The following TMEM135 variants were observed in gnomAD, a reference collection of about 807,000 sequenced individuals.
The protein encoded by TMEM135 is transmembrane protein 135.
TMEM135 carries 30 observed loss-of-function variants against 60.3 expected under a neutral mutation model. The ratio of observed to expected loss-of-function variants is 0.50; its 90% CI spans 0.37 to 0.68. TMEM135 has a LOEUF of 0.68. Among genes scored for constraint, TMEM135 ranks in the 30% least tolerant of loss-of-function variants. The probability of loss-of-function intolerance (pLI) is 0.00; values close to 1 mark genes in which losing one functional copy is unlikely to be tolerated. For missense variants in TMEM135, 468 were observed against 548.8 expected, an observed-to-expected ratio of 0.85 and a Z score of 1.47; for synonymous variants, 190 against 186.7, an observed-to-expected ratio of 1.02 and a Z score of -0.14.
intron 2 of TMEM135, among the ~76,000 whole-genome samples, 165 bp from the exon 3 acceptor site, chr11:87,071,358 A>G (rs1210087808): frequency 6.6e-6 from 1 of 152,220 alleles, no homozygotes; most frequent in Admixed American, 6.5e-5. Flanking sequence ...GAACAAGTTC[A>G]TGGGGCTAGG....
intron 9 of TMEM135, among the ~76,000 whole-genome samples, chr11:87,308,257 T>C (rs1218500646): frequency 3.3e-5 from 5 of 152,168 alleles, no homozygotes; most frequent in African/African-American, 1.2e-4. Context: ...AATGGGTGGA[T>C]GAATAGTTCT....
At chr11:87,147,810 T>C (rs911032108) in intron 4 of TMEM135, among the ~76,000 whole-genome samples, 4 of 152,016 alleles carry the variant, frequency 2.6e-5, no homozygotes, top group Non-Finnish European at 4.4e-5. Flanking sequence ...CAAGCTGGAG[T>C]GCAGTGGCAC....
At chr11:87,299,967 G>A (rs1258806057) in intron 7 of TMEM135, among the ~76,000 whole-genome samples, 1 of 152,120 alleles carries the variant, frequency 6.6e-6, no homozygotes, top group East Asian at 1.9e-4. Flanking sequence ...GAGAGTGGAA[G>A]GAGCATTTAA....
At chr11:87,272,335 C>T (rs928768232) in intron 6 of TMEM135, among the ~76,000 whole-genome samples, 1 of 152,150 alleles carries the variant, frequency 6.6e-6, no homozygotes, top group Non-Finnish European at 1.5e-5. Context: ...GGATTACAGA[C>T]TGGAGCCACC....
intron 1 of TMEM135, among the ~76,000 whole-genome samples, chr11:87,049,515 C>T (rs1430796288): frequency 1.6e-5 from 2 of 125,330 alleles, no homozygotes; most frequent in South Asian, 5.2e-4. Flanking sequence ...GGGTTGCAAT[C>T]CTAATCTCTG....
At chr11:87,312,557 C>T (rs528417132) in intron 10 of TMEM135, among the ~76,000 whole-genome samples, 10 of 151,876 alleles carry the variant, frequency 6.6e-5, no homozygotes, top group Non-Finnish European at 1.5e-4. Context: ...TGGTCTCTGT[C>T]ATAACTACCC....
Position 87,129,388 on chromosome 11 carries a change from G to A in TMEM135, c.397-27953G>A, listed in dbSNP as rs531322768. Reference sequence around the variant, plus strand: ...CTCCCTAATAGCTGGGACTACAGTCGCACACCACCATGACTGGCTAATTTT... The same window carrying A: ...CTCCCTAATAGCTGGGACTACAGTCACACACCACCATGACTGGCTAATTTT... On this transcript the variant is annotated intron_variant, in intron 4 of 14. Coordinates refer to ENST00000305494, the MANE Select transcript of TMEM135 (RefSeq NM_022918.4). Among the ~76,000 whole-genome samples the A allele has an allele frequency of 1.8e-3, 274 of 151,050 alleles. 3 individuals are homozygous for A. Among genetic ancestry groups the A allele is most frequent in the African/African-American group, 6.2e-3 (256 of 41,138 alleles).
At chr11:87,187,131 G>T (rs1939673339) in intron 5 of TMEM135, among the ~76,000 whole-genome samples, 1 of 152,070 alleles carries the variant, frequency 6.6e-6, no homozygotes, top group African/African-American at 2.4e-5. Flanking sequence ...TGCTTGCTTT[G>T]TGTCTCATGG....
At chr11:87,314,611 T>C in intron 12 of TMEM135, 64 bp downstream of exon 12, 1 of 1,347,518 alleles carries the variant, frequency 7.4e-7, no homozygotes, top group Non-Finnish European at 1.1e-6. Context: ...GCTGACTGTT[T>C]TAGCAGCAAA....
intron 1 of TMEM135, among the ~76,000 whole-genome samples, chr11:87,060,804 G>A (rs1198742553): frequency 6.6e-6 from 1 of 151,944 alleles, no homozygotes; most frequent in Non-Finnish European, 1.5e-5. Flanking sequence ...CACCACGCCT[G>A]GCTAATTTTT....
At chr11:87,241,849 TA>T (rs200030971) in intron 6 of TMEM135, among the ~76,000 whole-genome samples, 29,379 of 136,542 alleles carry the variant, frequency 0.22, 3,041 homozygotes, top group South Asian at 0.28. Flanking sequence ...CCTTTTTTTT[TA>T]AAAAAAAATT....
chr11:87,180,648 G>A (rs182174738), intron 5 of TMEM135, among the ~76,000 whole-genome samples: 2 of 152,262 alleles, frequency 1.3e-5, no homozygotes, highest in East Asian at 3.9e-4. Flanking sequence ...GTCCTAGATT[G>A]GCTTTTAGGT....
intron 6 of TMEM135, among the ~76,000 whole-genome samples, chr11:87,237,625 A>T (rs1565496964): frequency 6.6e-6 from 1 of 152,072 alleles, no homozygotes; most frequent in East Asian, 1.9e-4. Flanking sequence ...AGATGTTTTG[A>T]TACAGGGATA....
At chr11:87,095,369 A>G (rs759861290) in intron 4 of TMEM135, 7 of 216,842 alleles carry the variant, frequency 3.2e-5, no homozygotes, top group Non-Finnish European at 6.0e-5. Context: ...TTCTACCACA[A>G]TAAAAGCACT....
chr11:87,250,254 CTT>C (rs1462077999), intron 6 of TMEM135, among the ~76,000 whole-genome samples: 1 of 151,938 alleles, frequency 6.6e-6, no homozygotes, highest in Admixed American at 6.6e-5. Context: ...AAAAAACCAA[CTT>C]TTCATTTTTT....
chr11:87,069,708 T>C (rs906276389), intron 2 of TMEM135, among the ~76,000 whole-genome samples: 1 of 152,244 alleles, frequency 6.6e-6, no homozygotes, highest in Non-Finnish European at 1.5e-5. Context: ...TATAACTGAT[T>C]CACTAAGTCC....
chr11:87,046,114 G>C (rs536493783), intron 1 of TMEM135, among the ~76,000 whole-genome samples: 1 of 152,240 alleles, frequency 6.6e-6, no homozygotes, highest in African/African-American at 2.4e-5. Context: ...TAGATTAACA[G>C]TGTAACTCAG....
intron 1 of TMEM135, among the ~76,000 whole-genome samples, chr11:87,053,847 C>G (rs906553172): frequency 3.3e-5 from 5 of 152,134 alleles, no homozygotes; most frequent in African/African-American, 1.2e-4. Context: ...TAATTACTCA[C>G]TAATCTTAGT....
intron 1 of TMEM135, among the ~76,000 whole-genome samples, chr11:87,042,124 A>G (rs546035516): frequency 5.9e-5 from 9 of 152,390 alleles, no homozygotes; most frequent in African/African-American, 1.9e-4. Flanking sequence ...TGAAGACCCA[A>G]AAATACAGGG....
Sources: gnomAD v4.1 joint callset for allele counts (sites outside exome capture counted in the v4.1 genomes callset) on GRCh38, gnomAD v4.1.1 for gene constraint, MANE v1.5 for transcripts, NCBI Gene and HGNC (gene_info 2026-07-23, HGNC 2026-07-21) for gene names.